SIRT1: variants seen among roughly 807,000 people sequenced by gnomAD.
SIRT1 encodes the protein sirtuin 1, also known as NAD-dependent protein deacetylase sirtuin-1.
Under a neutral mutation model 67.9 loss-of-function variants are expected in SIRT1, and 24 were observed. That is an observed-to-expected ratio of 0.35 (90% confidence interval 0.26 to 0.50). SIRT1 has a LOEUF of 0.50. SIRT1 is among the 20% of genes least tolerant of loss of function. The pLI is 0.98. For missense variants in SIRT1, 873 were observed against 937.2 expected (o/e 0.93, Z 0.89); for synonymous variants, 378 against 350.7 (o/e 1.08, Z -0.87).
intron 3 of SIRT1, among the ~76,000 whole-genome samples, chr10:67,889,636 C>T (rs151203920): frequency 8.4e-4 from 128 of 152,302 alleles, no homozygotes; most frequent in African/African-American, 3.0e-3. Context: ...TAATTAGTTA[C>T]CTAAGACTAT....
chr10:67,888,814 T>G, intron 2 of SIRT1, 68 bp from the exon 3 acceptor site: 1 of 1,525,064 alleles, frequency 6.6e-7, no homozygotes. Context: ...AACTCATTAC[T>G]TCAGAAAATA....
In SIRT1 at chr10:67,884,768, C is replaced by T. The variant is rs995901311; in HGVS notation, c.47C>T (p.Ser16Leu). 7.3e-6 allele frequency: 9 copies of T among 1,227,382 alleles called. No individual in the cohort carries two copies. The highest frequency in any genetic ancestry group is 4.3e-5 in the Admixed American group (1 of 23,522). The allele number at this position is 1,227,382 out of a possible 1,614,324, so 76.0% of individuals were successfully genotyped here. ...ALALQPGGSPSAAGADREAAS... is the reference protein window; with the variant it reads ...ALALQPGGSPLAAGADREAAS... ...GCCCTTCAGCCCGGCGGCTCCCCCT[C>T]GGCGGCGGGGGCCGACAGGGAGGCC... The change falls in exon 1 of 9, where the codon TCG becomes TTG. Residue 16 changes from serine (S) to leucine (L), a missense_variant. Transcript: ENST00000212015.
At chr10:67,901,874 T>C (rs1221147355) in intron 4 of SIRT1, among the ~76,000 whole-genome samples, 2 of 152,260 alleles carry the variant, frequency 1.3e-5, no homozygotes, top group East Asian at 3.8e-4. Context: ...TTGATGTGTG[T>C]ACATTATGGA....
intron 4 of SIRT1, among the ~76,000 whole-genome samples, chr10:67,900,202 GTGGTGCCA>G (rs987699770): frequency 6.6e-5 from 10 of 152,044 alleles, no homozygotes; most frequent in Non-Finnish European, 8.8e-5. Context: ...TTGGAGTGCA[GTGGTGCCA>G]TCTTGGCTCA....
rs1404340205 is a variant in SIRT1 at position 67,913,103 on chromosome 10, G to A, written c.1915+72G>A. The A allele has an allele frequency of 4.7e-5, 69 of 1,471,424 alleles. 2 individuals carry two copies. The South Asian group carries it at 5.8e-4, about 12-fold the overall frequency. 91.1% of individuals were successfully genotyped at this position (1,471,424 alleles called of 1,614,324 possible). ...GTATTTCCAAAAAATTAGCTATTTC[G>A]GCAGGTTAATCGATAGGGTAGCTTT... On this transcript the variant is annotated intron_variant, in intron 8 of 8. Transcript: ENST00000212015.
chr10:67,885,254 C>T, intron 1 of SIRT1, 103 bp downstream of exon 1: 1 of 1,250,428 alleles, frequency 8.0e-7, no homozygotes. Flanking sequence ...GGGCAGGCTC[C>T]GCGGCGTTCC....
At chr10:67,885,946 T>C (rs1036368038) in intron 1 of SIRT1, among the ~76,000 whole-genome samples, 4 of 136,964 alleles carry the variant, frequency 2.9e-5, no homozygotes, top group Admixed American at 7.1e-5. Context: ...GGTTTCTTTT[T>C]TTTTTTTTTT....
At chr10:67,910,405 C>G (rs1168000584) in intron 7 of SIRT1, among the ~76,000 whole-genome samples, 1 of 152,010 alleles carries the variant, frequency 6.6e-6, no homozygotes, top group African/African-American at 2.4e-5. Flanking sequence ...AGAAGTAATG[C>G]TAAACTCTAC....
chr10:67,907,930 A>C (rs1842845689), intron 5 of SIRT1, 116 bp from the exon 6 acceptor site: 4 of 836,976 alleles, frequency 4.8e-6, no homozygotes, highest in Non-Finnish European at 7.3e-6. Context: ...AAAAACAAAA[A>C]CAAAAATCCT....
intron 1 of SIRT1, 129 bp downstream of exon 1, chr10:67,885,280 C>T (rs1842458182): frequency 2.4e-6 from 3 of 1,245,672 alleles, no homozygotes; most frequent in Non-Finnish European, 3.0e-6. Context: ...CCACCCCGGC[C>T]CTCCGTTCAG....
chr10:67,884,826 G>A lies in SIRT1; in HGVS notation c.105G>A (p.Lys35=), dbSNP rs907507155. The A allele has an allele frequency of 2.6e-5, 32 of 1,212,746 alleles. No homozygotes were observed. In the African/African-American group the frequency reaches 4.4e-4, roughly 17 times the overall value. The allele number at this position is 1,212,746 out of a possible 1,614,324, so 75.1% of individuals were successfully genotyped here. The change falls in exon 1 of 9, where the codon AAG becomes AAA. Residue 35 remains lysine (K), a synonymous_variant. Coordinates refer to ENST00000212015, the MANE Select transcript of SIRT1 (RefSeq NM_012238.5). ...ASSPAGEPLR[K]RPRRDGPGLE... ...CCCCCGCCGGGGAGCCGCTCCGCAAGAGGCCGCGGAGAGATGGTCCCGGCC... is the reference window on the plus strand; with the variant it reads ...CCCCCGCCGGGGAGCCGCTCCGCAAAAGGCCGCGGAGAGATGGTCCCGGCC...
At chr10:67,889,743 C>G (rs1449876552) in intron 3 of SIRT1, among the ~76,000 whole-genome samples, 1 of 152,036 alleles carries the variant, frequency 6.6e-6, no homozygotes, top group African/African-American at 2.4e-5. Context: ...TTTCGAGTTG[C>G]GAAAGGGTGT....
At chr10:67,902,376 ATAAT>A (rs1349107326) in intron 4 of SIRT1, among the ~76,000 whole-genome samples, 1 of 152,186 alleles carries the variant, frequency 6.6e-6, no homozygotes, top group Non-Finnish European at 1.5e-5. Flanking sequence ...CCCCCTGCTA[ATAAT>A]TAATTTTAAA....
At chr10:67,897,348 T>C (rs1234209350) in intron 4 of SIRT1, among the ~76,000 whole-genome samples, 1 of 149,774 alleles carries the variant, frequency 6.7e-6, no homozygotes, top group East Asian at 2.0e-4. Context: ...AGTGCGATGG[T>C]GTGATCTCGG....
Position 67,890,312 on chromosome 10 carries a change from C to T in SIRT1, c.790-1090C>T, listed in dbSNP as rs541908607. 1.6e-3 allele frequency among the ~76,000 whole-genome samples: 237 copies of T among 152,188 alleles called. 3 individuals are homozygous for T. Among genetic ancestry groups the T allele is most frequent in the Middle Eastern group, 0.014 (4 of 294 alleles). ...CTTGTGATCCGCCTGCCTTGGCCTC[C>T]CAAAGTGCCAGGATTACAGGCGTGA... is the stretch of plus-strand genomic sequence containing the variant. On this transcript the variant is annotated intron_variant, in intron 3 of 8. Transcript: ENST00000212015.
chr10:67,911,634 TC>T (rs1421475150), intron 7 of SIRT1, among the ~76,000 whole-genome samples: 1 of 78,756 alleles, frequency 1.3e-5, no homozygotes, highest in Non-Finnish European at 2.4e-5. Context: ...CTCCCTCCCT[TC>T]CGTTTGTCCT....
In SIRT1 at chr10:67,906,819, T is replaced by A. The variant is rs764270558; in HGVS notation, c.972T>A (p.Ser324=). 5.0e-6 allele frequency: 8 copies of A among 1,612,808 alleles called. No homozygotes were observed. Among genetic ancestry groups the A allele is most frequent in the Non-Finnish European group, 3.4e-6 (4 of 1,179,686 alleles). ...KEIYPGQFQP[S]LCHKFIALSD... ...TATATCCTGGACAATTCCAGCCATC[T>A]CTCTGTCACAAATTCATAGCCTTGT... Residue 324 remains serine, a synonymous_variant, in exon 5 of 9, where the codon TCT becomes TCA. Coordinates refer to ENST00000212015, the MANE Select transcript of SIRT1 (RefSeq NM_012238.5).
intron 1 of SIRT1, chr10:67,885,438 C>G (rs1264712056): frequency 4.2e-6 from 5 of 1,200,258 alleles, no homozygotes; most frequent in Non-Finnish European, 5.2e-6. Flanking sequence ...ATAAGTTTCT[C>G]TCCCCCTCTT....
intron 7 of SIRT1, among the ~76,000 whole-genome samples, chr10:67,912,221 G>A (rs1314703514): frequency 6.6e-6 from 1 of 152,194 alleles, no homozygotes; most frequent in Non-Finnish European, 1.5e-5. Context: ...TTCAGAGTGG[G>A]AAAGTCTGGG....
Sources: allele counts gnomAD v4.1 joint callset (sites outside exome capture counted in the v4.1 genomes callset), GRCh38; gene constraint gnomAD v4.1.1; transcripts MANE v1.5; gene names NCBI Gene and HGNC (gene_info 2026-07-23, HGNC 2026-07-21).